The following GRIA2 variants were observed in gnomAD, a reference collection of about 807,000 sequenced individuals.
GRIA2 encodes the protein glutamate ionotropic receptor AMPA type subunit 2.
In GRIA2, 14 loss-of-function variants were observed where a neutral mutation model predicts 97.3. The ratio of observed to expected loss-of-function variants is 0.14; its 90% CI spans 0.10 to 0.23. The LOEUF (loss-of-function observed/expected upper bound fraction) is 0.23. Among genes scored for constraint, GRIA2 ranks in the 10% least tolerant of loss-of-function variants. The probability of loss-of-function intolerance (pLI) is 1.00; values close to 1 mark genes in which losing one functional copy is unlikely to be tolerated. For missense variants in GRIA2, 558 were observed against 1,069.8 expected (o/e 0.52, Z 6.67); for synonymous variants, 412 against 387.8 (o/e 1.06, Z -0.73).
At chr4:157,301,512 G>A (rs1489045379) in intron 2 of GRIA2, among the ~76,000 whole-genome samples, 1 of 152,244 alleles carries the variant, frequency 6.6e-6, no homozygotes, top group African/African-American at 2.4e-5. Flanking sequence ...TATTACACAG[G>A]TTTTCGGCAA....
chr4:157,241,120 T>C (rs566829023), intron 2 of GRIA2, among the ~76,000 whole-genome samples: 108 of 152,270 alleles, frequency 7.1e-4, no homozygotes, highest in Non-Finnish European at 1.2e-3. Context: ...ACGGGTATTT[T>C]GGTGGTAAAT....
At chr4:157,225,506 T>A (rs936518274) in intron 2 of GRIA2, among the ~76,000 whole-genome samples, 1 of 152,066 alleles carries the variant, frequency 6.6e-6, no homozygotes, top group Non-Finnish European at 1.5e-5. Context: ...GTATCTGATG[T>A]GTAGAACAGT....
intron 3 of GRIA2, 97 bp from the exon 4 acceptor site, chr4:157,312,582 A>G (rs562354434): frequency 2.4e-5 from 16 of 660,942 alleles, no homozygotes; most frequent in East Asian, 6.1e-5. Flanking sequence ...TTGCACAAAT[A>G]TATCTTCCTT....
At chr4:157,327,839 C>T (rs1044433661) in intron 6 of GRIA2, among the ~76,000 whole-genome samples, 1 of 152,060 alleles carries the variant, frequency 6.6e-6, no homozygotes, top group Admixed American at 6.6e-5. Flanking sequence ...ATTAGATCTG[C>T]CTGAAAATAG....
intron 2 of GRIA2, among the ~76,000 whole-genome samples, chr4:157,255,489 T>C (rs556664101): frequency 2.6e-5 from 4 of 152,212 alleles, no homozygotes; most frequent in Non-Finnish European, 5.9e-5. Flanking sequence ...CATACTGTTT[T>C]CCATAGGGGT....
At chr4:157,283,463 A>G (rs910348075) in intron 2 of GRIA2, among the ~76,000 whole-genome samples, 3 of 152,010 alleles carry the variant, frequency 2.0e-5, no homozygotes, top group African/African-American at 7.2e-5. Context: ...ATTACTTATA[A>G]TGTAGGAATT....
At chr4:157,355,813 AG>A (rs1354862957) in intron 12 of GRIA2, among the ~76,000 whole-genome samples, 1 of 87,848 alleles carries the variant, frequency 1.1e-5, no homozygotes. Flanking sequence ...TTTATATATT[AG>A]TTATATATAT....
intron 2 of GRIA2, among the ~76,000 whole-genome samples, chr4:157,299,670 G>A (rs1291583294): frequency 1.3e-5 from 2 of 152,090 alleles, no homozygotes; most frequent in Non-Finnish European, 2.9e-5. Flanking sequence ...TATCATCTGG[G>A]CTTGTAATAA....
chr4:157,304,640 C>T (rs913217010), intron 3 of GRIA2, among the ~76,000 whole-genome samples: 3 of 152,088 alleles, frequency 2.0e-5, no homozygotes, highest in Non-Finnish European at 2.9e-5. Context: ...AAAGTCAAAG[C>T]GGTGAGGGAC....
intron 2 of GRIA2, among the ~76,000 whole-genome samples, chr4:157,299,655 G>C (rs1012155687): frequency 3.3e-5 from 5 of 152,074 alleles, no homozygotes; most frequent in African/African-American, 1.2e-4. Flanking sequence ...ATTGTTGTTG[G>C]CTTATATCAT....
intron 2 of GRIA2, among the ~76,000 whole-genome samples, chr4:157,229,221 T>G (rs1314227885): frequency 6.6e-6 from 1 of 152,236 alleles, no homozygotes; most frequent in Non-Finnish European, 1.5e-5. Flanking sequence ...TTATTTTTTC[T>G]TTTTAGGGCC....
At chr4:157,220,266 A>C (rs1729425384), upstream of GRIA2, 1 of 152,260 alleles carries the variant, frequency 6.6e-6, no homozygotes, top group East Asian at 1.9e-4. Context: ...TTCGCCGCCA[A>C]CAATTAGCAA....
At chr4:157,349,907 TA>T (rs1442174997) in intron 12 of GRIA2, among the ~76,000 whole-genome samples, 5 of 152,322 alleles carry the variant, frequency 3.3e-5, no homozygotes, top group African/African-American at 1.2e-4. Flanking sequence ...TGGTAATCTC[TA>T]ATGTCCGTAT....
At chr4:157,353,097 A>G (rs1006779309) in intron 12 of GRIA2, among the ~76,000 whole-genome samples, 1 of 152,094 alleles carries the variant, frequency 6.6e-6, no homozygotes, top group Non-Finnish European at 1.5e-5. Context: ...TCACGCCTGT[A>G]ATCCCAGCAC....
chr4:157,324,878 CA>C (rs1464604368), intron 6 of GRIA2, among the ~76,000 whole-genome samples: 17 of 152,138 alleles, frequency 1.1e-4, no homozygotes, highest in African/African-American at 3.6e-4. Flanking sequence ...TATTTGCTTA[CA>C]GAAAGGGAGT....
chr4:157,309,961 A>G (rs925451640), intron 3 of GRIA2, among the ~76,000 whole-genome samples: 12 of 152,230 alleles, frequency 7.9e-5, no homozygotes, highest in African/African-American at 2.7e-4. Flanking sequence ...TAAGAAGGTG[A>G]CAAGGGGGAG....
At chr4:157,330,281 C>G (rs943823539) in intron 6 of GRIA2, among the ~76,000 whole-genome samples, 1 of 151,924 alleles carries the variant, frequency 6.6e-6, no homozygotes, top group African/African-American at 2.4e-5. Flanking sequence ...GCAATGCTTT[C>G]TAAACTATAG....
chr4:157,260,769 G>A (rs1475790845), intron 2 of GRIA2, among the ~76,000 whole-genome samples: 1 of 151,978 alleles, frequency 6.6e-6, no homozygotes, highest in Non-Finnish European at 1.5e-5. Context: ...TTGTTATTGT[G>A]ATTGTTGGTG....
intron 3 of GRIA2, among the ~76,000 whole-genome samples, chr4:157,310,484 T>G (rs1734031842): frequency 6.6e-6 from 1 of 152,120 alleles, no homozygotes; most frequent in Admixed American, 6.5e-5. Context: ...TAACATGGCT[T>G]TATTAAAGAC....
Sources: gnomAD v4.1 joint callset for allele counts (sites outside exome capture counted in the v4.1 genomes callset) on GRCh38, gnomAD v4.1.1 for gene constraint, MANE v1.5 for transcripts, NCBI Gene and HGNC (gene_info 2026-07-23, HGNC 2026-07-21) for gene names.